Variants in F13A1 observed in about 807,000 individuals in gnomAD.
F13A1 encodes the protein coagulation factor XIII A chain.
A neutral mutation model predicts 80.1 loss-of-function variants in F13A1; 47 were observed. That is an observed-to-expected ratio of 0.59 (90% CI 0.46 to 0.75). The LOEUF is 0.75. Among genes scored for constraint, F13A1 ranks in the 30% least tolerant of loss-of-function variants. The pLI is 0.00. For missense variants in F13A1, 817 were observed against 930.4 expected (o/e 0.88, Z 1.59); for synonymous variants, 349 against 344.9 (o/e 1.01, Z -0.13).
At chr6:6,198,376 T>C (rs1019798976) in intron 8 of F13A1, among the ~76,000 whole-genome samples, 23 of 152,214 alleles carry the variant, frequency 1.5e-4, no homozygotes, top group African/African-American at 5.3e-4. Context: ...CTCAGCACTA[T>C]AGAAAATGTT....
intron 8 of F13A1, among the ~76,000 whole-genome samples, chr6:6,220,532 C>T (rs767138565): frequency 6.6e-6 from 1 of 150,974 alleles, no homozygotes; most frequent in Non-Finnish European, 1.5e-5. Context: ...CTGCACTTAG[C>T]TACAAAGGCT....
chr6:6,275,282 G>A (rs1362603836), intron 3 of F13A1, among the ~76,000 whole-genome samples: 1 of 152,158 alleles, frequency 6.6e-6, no homozygotes, highest in Admixed American at 6.5e-5. Flanking sequence ...GGGGGGCAGA[G>A]CCATAGGCGA....
chr6:6,183,472 T>C (rs1352603846), intron 10 of F13A1, among the ~76,000 whole-genome samples: 2 of 152,250 alleles, frequency 1.3e-5, no homozygotes, highest in African/African-American at 4.8e-5. Context: ...GTAAGCATGA[T>C]TCTGTGCATC....
chr6:6,165,440 A>G (rs1429837255), intron 13 of F13A1, among the ~76,000 whole-genome samples: 2 of 152,186 alleles, frequency 1.3e-5, no homozygotes, highest in Non-Finnish European at 2.9e-5. Flanking sequence ...GGTGCAATTA[A>G]ATTCTATTTT....
chr6:6,231,975 T>G (rs1472602211), intron 6 of F13A1, among the ~76,000 whole-genome samples: 1 of 152,138 alleles, frequency 6.6e-6, no homozygotes, highest in Admixed American at 6.5e-5. Flanking sequence ...ACAGAACTTC[T>G]TTAAAGCATA....
chr6:6,158,339 G>A (rs1425905711), intron 13 of F13A1, among the ~76,000 whole-genome samples: 1 of 152,136 alleles, frequency 6.6e-6, no homozygotes, highest in Non-Finnish European at 1.5e-5. Context: ...TAGACAAGTC[G>A]CTTGACTTCT....
intron 13 of F13A1, among the ~76,000 whole-genome samples, chr6:6,166,525 T>C (rs1363496590): frequency 1.3e-5 from 2 of 152,214 alleles, no homozygotes; most frequent in Non-Finnish European, 2.9e-5. Context: ...AAGAAGATTG[T>C]TCTCCAGAGA....
chr6:6,243,191 C>T lies in F13A1; in HGVS notation c.798+5121G>A, dbSNP rs76455928. Reference sequence around the variant, plus strand: ...TCACCACCACTACCACCATCACTCCCACCACCATCACTCCTACCATCACCA... The same window carrying T: ...TCACCACCACTACCACCATCACTCCTACCACCATCACTCCTACCATCACCA... On this transcript the variant is annotated intron_variant, in intron 6 of 14. Coordinates refer to ENST00000264870, the MANE Select transcript of F13A1 (RefSeq NM_000129.4). The surrounding 1 kb of genome is among the most constrained non-coding windows in gnomAD (Gnocchi z 4.2). Among the ~76,000 whole-genome samples, 1,609 of 151,716 alleles carry T rather than the reference C, an allele frequency of 0.011. 10 individuals are homozygous for T. The highest frequency in any genetic ancestry group is 0.016 in the Non-Finnish European group (1,111 of 67,880).
chr6:6,216,339 A>G (rs943502313), intron 8 of F13A1, among the ~76,000 whole-genome samples: 16 of 151,752 alleles, frequency 1.1e-4, no homozygotes, highest in Admixed American at 2.6e-4. Context: ...ATATAGATCA[A>G]TGGAACAAAA....
chr6:6,303,435 GATGTGATGTTTTGATCAAT>G (rs1050111616), intron 3 of F13A1, among the ~76,000 whole-genome samples: 3 of 152,086 alleles, frequency 2.0e-5, no homozygotes, highest in Admixed American at 2.0e-4. Flanking sequence ...GGGGTTTTGG[GATGTGATGTTTTGATCAAT>G]ATGTGATGTT....
At chr6:6,219,483 A>G (rs1379660241) in intron 8 of F13A1, among the ~76,000 whole-genome samples, 1 of 152,206 alleles carries the variant, frequency 6.6e-6, no homozygotes, top group Non-Finnish European at 1.5e-5. Flanking sequence ...CCATCGGGAA[A>G]TGGTAACTAC....
At chr6:6,226,239 C>T (rs1230478739) in intron 6 of F13A1, among the ~76,000 whole-genome samples, 1 of 152,166 alleles carries the variant, frequency 6.6e-6, no homozygotes, top group East Asian at 1.9e-4. Context: ...ACAATGTTTA[C>T]ATTGACATTA....
chr6:6,252,946 G>T lies in F13A1; in HGVS notation c.572-2017C>A, dbSNP rs1157456328. Among the ~76,000 whole-genome samples, 7 of 151,990 alleles carry T rather than the reference G, an allele frequency of 4.6e-5. No homozygotes were observed. The South Asian group carries it at 1.5e-3, about 32-fold the overall frequency. On this transcript the variant is annotated intron_variant, in intron 4 of 14. Coordinates refer to ENST00000264870, the MANE Select transcript of F13A1 (RefSeq NM_000129.4). ...GGCTGAGGCAGGTGGATCACTTGAG[G>T]TCAGAAGTTTGAGACCAGCCTGGCC...
chr6:6,231,658 T>A (rs1757354231), intron 6 of F13A1, among the ~76,000 whole-genome samples: 1 of 152,270 alleles, frequency 6.6e-6, no homozygotes, highest in East Asian at 1.9e-4. Context: ...AAGAAAAGAA[T>A]CTTAAGAGCT....
chr6:6,169,215 G>C (rs1305547425), intron 12 of F13A1: 1 of 152,248 alleles, frequency 6.6e-6, no homozygotes, highest in Non-Finnish European at 1.5e-5. Context: ...ACAACCAGGG[G>C]CATCCCTGTA....
intron 1 of F13A1, among the ~76,000 whole-genome samples, chr6:6,320,303 C>A (rs1276649586): frequency 6.6e-6 from 1 of 152,224 alleles, no homozygotes; most frequent in Non-Finnish European, 1.5e-5. Context: ...GGGGCTCGTC[C>A]CTTGGGGAAG....
At chr6:6,275,316 A>T (rs1426011472) in intron 3 of F13A1, among the ~76,000 whole-genome samples, 1 of 151,964 alleles carries the variant, frequency 6.6e-6, no homozygotes, top group Non-Finnish European at 1.5e-5. Flanking sequence ...TCATTCTTGA[A>T]AGAGTTTTTC....
chr6:6,191,723 G>C (rs1761203910), intron 10 of F13A1, among the ~76,000 whole-genome samples: 1 of 152,226 alleles, frequency 6.6e-6, no homozygotes, highest in Non-Finnish European at 1.5e-5. Flanking sequence ...GTTTCCAAGT[G>C]GAGATAACCT....
intron 4 of F13A1, among the ~76,000 whole-genome samples, chr6:6,254,364 C>T (rs1032333405): frequency 1.5e-4 from 23 of 152,014 alleles, no homozygotes; most frequent in African/African-American, 5.6e-4. Context: ...GCATAACGTG[C>T]TATAGTAAAA....
Sources: gnomAD v4.1 joint callset for allele counts (sites outside exome capture counted in the v4.1 genomes callset) on GRCh38, gnomAD v4.1.1 for gene constraint, Gnocchi (gnomAD v3.1) non-coding constraint, MANE v1.5 for transcripts, NCBI Gene and HGNC (gene_info 2026-07-23, HGNC 2026-07-21) for gene names.